ANO1: variants seen among roughly 807,000 people sequenced by gnomAD.
ANO1 encodes the protein anoctamin 1.
ANO1 carries 59 observed loss-of-function variants against 124.0 expected under a neutral mutation model. The ratio of observed to expected loss-of-function variants is 0.48; its 90% CI spans 0.39 to 0.59. The LOEUF is 0.59. ANO1 is among the 20% of genes least tolerant of loss of function. ANO1 has a pLI of 0.00. For synonymous variants in ANO1, 529 were observed against 532.0 expected (o/e 0.99, Z 0.08); for missense variants, 1,059 against 1,328.0 (o/e 0.80, Z 3.15).
Position 70,078,722 on chromosome 11 carries a change from CG to C in ANO1, c.108+11del. On this transcript the variant is annotated intron_variant, in intron 1 of 25. Coordinates refer to ENST00000355303, the MANE Select transcript of ANO1 (RefSeq NM_018043.7). ...CTGCCGTCCGAGGGCACGGTGAGTGCGGGCGGCCGCGACCCGGGCGGGAGGG... is the reference window on the plus strand; with the variant it reads ...CTGCCGTCCGAGGGCACGGTGAGTGCGGCGGCCGCGACCCGGGCGGGAGGG... 1 of 1,459,374 alleles carries C rather than the reference CG, an allele frequency of 6.9e-7. No individual in the cohort carries two copies. Among genetic ancestry groups the C allele is most frequent in the Non-Finnish European group, 9.2e-7 (1 of 1,091,694 alleles). 90.4% of individuals were successfully genotyped at this position (1,459,374 alleles called of 1,614,324 possible).
At chr11:70,066,525 C>T (rs1857723681) in intron 1 of ANO1, among the ~76,000 whole-genome samples, 1 of 152,020 alleles carries the variant, frequency 6.6e-6, no homozygotes, top group Non-Finnish European at 1.5e-5. Flanking sequence ...ATGAGTCAGC[C>T]ATGCCCAACA....
chr11:70,046,702 G>A (rs1857264910), intron 1 of ANO1, among the ~76,000 whole-genome samples: 1 of 152,028 alleles, frequency 6.6e-6, no homozygotes, highest in African/African-American at 2.4e-5. Flanking sequence ...GGGGCTCTTG[G>A]AGGGGCTCTT....
intron 6 of ANO1, chr11:70,111,062 G>T: frequency 2.2e-6 from 1 of 444,840 alleles, no homozygotes; most frequent in Non-Finnish European, 4.6e-6. Flanking sequence ...GACGCTTGCT[G>T]CCCCAAATGT....
chr11:70,060,099 A>G (rs1857540050), intron 1 of ANO1, among the ~76,000 whole-genome samples: 1 of 151,844 alleles, frequency 6.6e-6, no homozygotes, highest in Admixed American at 6.6e-5. Flanking sequence ...TTTATTAGGG[A>G]GGCATTGACA....
rs540343407 is a variant in ANO1, at chr11:70,021,867, A to G, written c.58+35701A>G. 3.3e-5 allele frequency among the ~76,000 whole-genome samples: 5 copies of G among 152,284 alleles called. No individual in the cohort carries two copies. In the South Asian group the frequency reaches 1.0e-3, roughly 32 times the overall value. On this transcript the variant is annotated intron_variant, in intron 1 of 27. Transcript: ENST00000531349. ...TCACAGGCAGGAGCGTGCGAACTGAATCCCAAAGAGTGCGCAGAGTATTTT... is the reference window on the plus strand; with the variant it reads ...TCACAGGCAGGAGCGTGCGAACTGAGTCCCAAAGAGTGCGCAGAGTATTTT...
intron 2 of ANO1, among the ~76,000 whole-genome samples, chr11:70,102,092 A>G (rs553053113): frequency 1.3e-5 from 2 of 152,290 alleles, no homozygotes; most frequent in South Asian, 4.1e-4. Flanking sequence ...AAGGGACTCT[A>G]TTAAACGCGA....
At chr11:70,030,896 CTG>C (rs1230924234) in intron 1 of ANO1, among the ~76,000 whole-genome samples, 2 of 152,104 alleles carry the variant, frequency 1.3e-5, no homozygotes, top group South Asian at 2.1e-4. Flanking sequence ...AATTGACAAA[CTG>C]TGGTTTTATG....
intron 8 of ANO1, among the ~76,000 whole-genome samples, chr11:70,121,006 G>A (rs892062694): frequency 2.6e-5 from 4 of 152,166 alleles, no homozygotes; most frequent in African/African-American, 9.7e-5. Flanking sequence ...GACTGATGTC[G>A]CCTCTTGGCA....
chr11:70,174,085 G>A (rs563380907), intron 22 of ANO1, among the ~76,000 whole-genome samples: 93 of 150,696 alleles, frequency 6.2e-4, no homozygotes, highest in Middle Eastern at 3.4e-3. Context: ...ACAGGTGCCC[G>A]CCACCACGCT....
chr11:69,996,863 T>A (rs890122767), intron 1 of ANO1, among the ~76,000 whole-genome samples: 7 of 152,246 alleles, frequency 4.6e-5, no homozygotes, highest in Admixed American at 1.3e-4. Flanking sequence ...TGCCTGTCTC[T>A]GTAACAGAAT....
At chr11:70,101,607 A>AAAAAAAT (rs1590733625) in intron 2 of ANO1, among the ~76,000 whole-genome samples, 1 of 149,554 alleles carries the variant, frequency 6.7e-6, no homozygotes, top group African/African-American at 2.5e-5. Context: ...AAAAAAAAAA[A>AAAAAAAT]CTCATCCCCA....
At chr11:70,169,905 C>T (rs776896817) in intron 21 of ANO1, 1 of 288,650 alleles carries the variant, frequency 3.5e-6, no homozygotes, top group Non-Finnish European at 6.9e-6. Context: ...TGGACTGGGT[C>T]CTGCTGTGCA....
At chr11:70,178,066 G>A (rs34682557) in intron 22 of ANO1, among the ~76,000 whole-genome samples, 14,984 of 152,216 alleles carry the variant, frequency 0.098, 819 homozygotes, top group Middle Eastern at 0.2. Context: ...TTCTGCACTC[G>A]TGCAGTCACT....
At chr11:70,019,448 G>T (rs782718591) in intron 1 of ANO1, among the ~76,000 whole-genome samples, 4 of 152,126 alleles carry the variant, frequency 2.6e-5, no homozygotes, top group African/African-American at 7.2e-5. Flanking sequence ...AGAGGGTGCC[G>T]CAGGAAATGG....
chr11:69,994,352 GTGGATGGGTGGA>G (rs1476729295), intron 1 of ANO1, among the ~76,000 whole-genome samples: 21 of 151,660 alleles, frequency 1.4e-4, no homozygotes, highest in African/African-American at 5.1e-4. Flanking sequence ...CTCTCCCTGG[GTGGATGGGTGGA>G]TGGATGGGTG....
At chr11:70,092,711 C>A (rs933804262) in intron 2 of ANO1, among the ~76,000 whole-genome samples, 1 of 152,168 alleles carries the variant, frequency 6.6e-6, no homozygotes, top group Non-Finnish European at 1.5e-5. Flanking sequence ...AGCAAGACCC[C>A]CAGTATCCAC....
intron 1 of ANO1, among the ~76,000 whole-genome samples, chr11:70,008,128 T>A (rs542003821): frequency 6.6e-6 from 1 of 150,538 alleles, no homozygotes; most frequent in Admixed American, 6.6e-5. Flanking sequence ...GTTGTTGAGT[T>A]ACAGGAGCTC....
the ANO1 span, among the ~76,000 whole-genome samples, chr11:69,967,798 G>A: frequency 1.3e-5 from 2 of 152,194 alleles, no homozygotes; most frequent in African/African-American, 4.8e-5. Flanking sequence ...GCAGAGAAAG[G>A]AGACATTGAA....
intron 1 of ANO1, among the ~76,000 whole-genome samples, chr11:69,989,611 C>T (rs1856115745): frequency 6.6e-6 from 1 of 152,146 alleles, no homozygotes; most frequent in Admixed American, 6.5e-5. Context: ...CCCCTCCCCA[C>T]CACCTGCTAC....
Sources: allele counts gnomAD v4.1 joint callset (sites outside exome capture counted in the v4.1 genomes callset), GRCh38; gene constraint gnomAD v4.1.1; transcripts MANE v1.5; gene names NCBI Gene and HGNC (gene_info 2026-07-23, HGNC 2026-07-21).